The following RASAL2 variants were observed in gnomAD, a reference collection of about 807,000 sequenced individuals.
RASAL2 encodes the protein RAS protein activator like 2, also known as ras GTPase-activating protein nGAP.
A neutral mutation model predicts 128.9 loss-of-function variants in RASAL2; 58 were observed. The ratio of observed to expected loss-of-function variants is 0.45; its 90% confidence interval spans 0.36 to 0.56. RASAL2 has a LOEUF of 0.56. RASAL2 is among the 20% of genes least tolerant of loss of function. The probability of loss-of-function intolerance (pLI) is 0.00; values close to 1 mark genes in which losing one functional copy is unlikely to be tolerated. For missense variants in RASAL2, 1,360 were observed against 1,601.6 expected, an observed-to-expected ratio of 0.85 and a Z score of 2.57; for synonymous variants, 561 against 580.8, an observed-to-expected ratio of 0.97 and a Z score of 0.49.
intron 1 of RASAL2, among the ~76,000 whole-genome samples, chr1:178,119,969 G>A (rs1320714307): frequency 6.6e-6 from 1 of 152,182 alleles, no homozygotes; most frequent in Admixed American, 6.5e-5. Flanking sequence ...AGTATTAAAG[G>A]GTTTCTCAGC....
intron 3 of RASAL2, among the ~76,000 whole-genome samples, chr1:178,348,099 G>A (rs1470518521): frequency 6.6e-6 from 1 of 152,202 alleles, no homozygotes; most frequent in Non-Finnish European, 1.5e-5. Context: ...GATCTAGGGT[G>A]ATGGAAATCA....
intron 1 of RASAL2, among the ~76,000 whole-genome samples, chr1:178,184,822 T>G (rs977265732): frequency 6.6e-6 from 1 of 152,122 alleles, no homozygotes; most frequent in African/African-American, 2.4e-5. Context: ...TCATATAAAC[T>G]TTAGGGATAA....
chr1:178,168,983 C>G (rs907357231), intron 1 of RASAL2, among the ~76,000 whole-genome samples: 18 of 151,828 alleles, frequency 1.2e-4, no homozygotes, highest in Admixed American at 3.9e-4. Flanking sequence ...ATGTCCCGGA[C>G]AATGAAAAAA....
intron 5 of RASAL2, among the ~76,000 whole-genome samples, chr1:178,422,866 C>A (rs138664061): frequency 2.0e-5 from 3 of 152,042 alleles, no homozygotes; most frequent in African/African-American, 7.2e-5. Context: ...GTAAAATACT[C>A]ATTTGTCTTT....
chr1:178,236,977 T>C (rs891122755), intron 1 of RASAL2, among the ~76,000 whole-genome samples: 1 of 152,038 alleles, frequency 6.6e-6, no homozygotes, highest in Non-Finnish European at 1.5e-5. Flanking sequence ...TTGGTCAGGC[T>C]GGTCTCGAAC....
chr1:178,464,247 G>A (rs774069233), intron 14 of RASAL2, 31 bp from the exon 15 acceptor site: 8 of 1,585,460 alleles, frequency 5.0e-6, no homozygotes, highest in Non-Finnish European at 6.9e-6. Context: ...TGAGCTGTTA[G>A]GGGAAATGCT....
At chr1:178,248,251 T>C (rs1664869862) in intron 1 of RASAL2, among the ~76,000 whole-genome samples, 1 of 152,232 alleles carries the variant, frequency 6.6e-6, no homozygotes, top group African/African-American at 2.4e-5. Flanking sequence ...ATCTGGTTGC[T>C]CCTGTATTGA....
chr1:178,160,670 T>C (rs952845339), intron 1 of RASAL2, among the ~76,000 whole-genome samples: 1 of 152,088 alleles, frequency 6.6e-6, no homozygotes, highest in Non-Finnish European at 1.5e-5. Context: ...AAAAAATATA[T>C]TGAGTCCATC....
chr1:178,243,475 A>G (rs1296935361), intron 1 of RASAL2, among the ~76,000 whole-genome samples: 1 of 151,910 alleles, frequency 6.6e-6, no homozygotes, highest in Non-Finnish European at 1.5e-5. Context: ...GGCTACCTGA[A>G]TCTCTCACTG....
At chr1:178,231,464 A>AT (rs1277682609) in intron 1 of RASAL2, among the ~76,000 whole-genome samples, 6 of 151,986 alleles carry the variant, frequency 3.9e-5, no homozygotes, top group Non-Finnish European at 8.8e-5. Context: ...TATTGTGAAT[A>AT]TTTTTTCTCA....
chr1:178,119,828 C>T (rs1248862619), intron 1 of RASAL2, among the ~76,000 whole-genome samples: 1 of 152,182 alleles, frequency 6.6e-6, no homozygotes, highest in East Asian at 1.9e-4. Context: ...CCTCAGGATC[C>T]TCTGCTATTT....
chr1:178,393,041 T>C (rs1673003764), intron 4 of RASAL2, among the ~76,000 whole-genome samples: 1 of 152,172 alleles, frequency 6.6e-6, no homozygotes, highest in Non-Finnish European at 1.5e-5. Context: ...TAAGGCAATG[T>C]CTTGGTTTTC....
rs1486984217 is a variant in RASAL2 at position 178,353,587 on chromosome 1, C to G, written c.458-36513C>G. Among the ~76,000 whole-genome samples, 5 of 152,228 alleles carry G rather than the reference C, an allele frequency of 3.3e-5. No homozygotes were observed. In the East Asian group the frequency reaches 5.8e-4, roughly 18 times the overall value. On this transcript the variant is annotated intron_variant, in intron 3 of 17. Transcript: ENST00000367649. The stretch of plus-strand genomic sequence containing the variant: ...CCTGTCTTCTTCTCAACCCTCCACA[C>G]TCTTCCAGCTTCTACCAGTTACCAA...
At chr1:178,133,298 A>C (rs1660189527) in intron 1 of RASAL2, among the ~76,000 whole-genome samples, 1 of 152,146 alleles carries the variant, frequency 6.6e-6, no homozygotes, top group African/African-American at 2.4e-5. Context: ...AAATATTATC[A>C]TGGCATGAAA....
intron 3 of RASAL2, among the ~76,000 whole-genome samples, chr1:178,323,587 T>C (rs2102342571): frequency 6.6e-6 from 1 of 152,336 alleles, no homozygotes; most frequent in South Asian, 2.1e-4. Context: ...AGTCACAGTA[T>C]CAAGTGTACT....
intron 17 of RASAL2, chr1:178,470,800 C>G (rs1260555808): frequency 8.6e-7 from 1 of 1,166,358 alleles, no homozygotes; most frequent in East Asian, 5.4e-5. Flanking sequence ...CTACACATTC[C>G]AGCTCCTGCC....
At chr1:178,173,123 C>T (rs1383608790) in intron 1 of RASAL2, among the ~76,000 whole-genome samples, 1 of 152,092 alleles carries the variant, frequency 6.6e-6, no homozygotes, top group Non-Finnish European at 1.5e-5. Context: ...TCCATCCCTT[C>T]CTCCCCAGTG....
chr1:178,226,712 C>G (rs190753996), intron 1 of RASAL2, among the ~76,000 whole-genome samples: 1 of 152,074 alleles, frequency 6.6e-6, no homozygotes, highest in Non-Finnish European at 1.5e-5. Context: ...TTTGGGCGGC[C>G]GAGGCAGGCA....
intron 1 of RASAL2, among the ~76,000 whole-genome samples, chr1:178,170,155 C>A (rs1661658376): frequency 6.6e-6 from 1 of 151,892 alleles, no homozygotes; most frequent in Admixed American, 6.6e-5. Context: ...AGATTCAAGA[C>A]ATTTGAAAGT....
Sources: gnomAD v4.1 joint callset for allele counts (sites outside exome capture counted in the v4.1 genomes callset) on GRCh38, gnomAD v4.1.1 for gene constraint, MANE v1.5 for transcripts, NCBI Gene and HGNC (gene_info 2026-07-23, HGNC 2026-07-21) for gene names.